Variants in MED12L observed in about 807,000 individuals in gnomAD.
MED12L encodes the protein mediator complex subunit 12L, also known as mediator of RNA polymerase II transcription subunit 12-like protein.
MED12L carries 60 observed loss-of-function variants against 281.3 expected under a neutral mutation model. That is an observed-to-expected ratio of 0.21 (90% CI 0.17 to 0.26). The LOEUF (loss-of-function observed/expected upper bound fraction) is 0.26. Among genes scored for constraint, MED12L ranks in the 10% least tolerant of loss-of-function variants. The pLI is 1.00. For synonymous variants in MED12L, 974 were observed against 987.2 expected (o/e 0.99, Z 0.25); for missense variants, 2,146 against 2,680.9 (o/e 0.80, Z 4.41).
intron 2 of MED12L, among the ~76,000 whole-genome samples, chr3:151,091,241 C>G (rs191834327): frequency 2.0e-5 from 3 of 152,032 alleles, no homozygotes; most frequent in Admixed American, 2.0e-4. Context: ...AGGGGCTGCC[C>G]GAAGATATAC....
chr3:151,210,052 ATAGGGTGCTT>A (rs889790376), intron 16 of MED12L, among the ~76,000 whole-genome samples: 1 of 152,192 alleles, frequency 6.6e-6, no homozygotes, highest in African/African-American at 2.4e-5. Flanking sequence ...ATTTCAACTC[ATAGGGTGCTT>A]TAGGCTCTCT....
At chr3:151,397,677 C>G (rs1023625454) in intron 39 of MED12L, among the ~76,000 whole-genome samples, 1 of 152,174 alleles carries the variant, frequency 6.6e-6, no homozygotes, top group Non-Finnish European at 1.5e-5. Context: ...CTAGTGAGTA[C>G]TGACCATTTC....
At chr3:151,417,756 C>T (rs758739458) in intron 43 of MED12L, among the ~76,000 whole-genome samples, 19 of 152,198 alleles carry the variant, frequency 1.2e-4, no homozygotes, top group Non-Finnish European at 2.1e-4. Context: ...AGGCGTGAGC[C>T]ACTGTGCCCG....
At chr3:151,119,151 A>C (rs1415252819) in intron 3 of MED12L, among the ~76,000 whole-genome samples, 1 of 152,222 alleles carries the variant, frequency 6.6e-6, no homozygotes, top group East Asian at 1.9e-4. Flanking sequence ...TATATACAGC[A>C]GTTAGTCTGT....
intron 36 of MED12L, among the ~76,000 whole-genome samples, chr3:151,386,444 C>T (rs924174959): frequency 3.3e-5 from 5 of 152,154 alleles, no homozygotes; most frequent in African/African-American, 7.2e-5. Context: ...GGCTGGAGTG[C>T]AGTAGTGCGA....
chr3:151,249,941 C>T (rs2149443822), intron 16 of MED12L, among the ~76,000 whole-genome samples: 1 of 152,284 alleles, frequency 6.6e-6, no homozygotes, highest in East Asian at 1.9e-4. Context: ...TTACCAGTTT[C>T]TTTCCTTCTG....
intron 19 of MED12L, among the ~76,000 whole-genome samples, chr3:151,356,450 A>G (rs1753934354): frequency 6.6e-6 from 1 of 152,208 alleles, no homozygotes; most frequent in Non-Finnish European, 1.5e-5. Context: ...ATTGCTGTAC[A>G]TTAACATCAT....
chr3:151,154,018 A>T (rs899804053), intron 5 of MED12L, among the ~76,000 whole-genome samples: 1 of 152,178 alleles, frequency 6.6e-6, no homozygotes, highest in Non-Finnish European at 1.5e-5. Flanking sequence ...TGAGTTGAAA[A>T]TAGGCCCGTC....
At chr3:151,188,766 G>A (rs898794609) in intron 13 of MED12L, among the ~76,000 whole-genome samples, 1 of 152,154 alleles carries the variant, frequency 6.6e-6, no homozygotes, top group African/African-American at 2.4e-5. Flanking sequence ...ATGTGATTTG[G>A]AATTTTCTCT....
intron 2 of MED12L, among the ~76,000 whole-genome samples, chr3:151,109,039 A>G (rs1711500161): frequency 1.3e-5 from 2 of 151,738 alleles, no homozygotes; most frequent in South Asian, 4.2e-4. Context: ...GTTGGAGGTT[A>G]CCCGAAGTAT....
chr3:151,385,028 A>C lies in MED12L; in HGVS notation c.4927-2A>C. 7.0e-7 allele frequency: 1 copy of C among 1,425,968 alleles called. No homozygotes were observed. Among genetic ancestry groups the C allele is most frequent in the Non-Finnish European group, 9.9e-7 (1 of 1,013,886 alleles). The allele number at this position is 1,425,968 out of a possible 1,614,324, so 88.3% of individuals were successfully genotyped here. On this transcript the variant is annotated splice_acceptor_variant, in intron 35 of 44. Coordinates refer to ENST00000687756, the MANE Select transcript of MED12L (RefSeq NM_001393769.1). LOFTEE classifies it high-confidence loss of function. The stretch of plus-strand genomic sequence containing the variant: ...CTCTCTCTCTCTCTCTTTTTTCTTT[A>C]GAAAGAGCTAGGAGACAAGCGATCA...
At chr3:151,184,554 G>C (rs181524616) in intron 11 of MED12L, among the ~76,000 whole-genome samples, 42 of 152,264 alleles carry the variant, frequency 2.8e-4, no homozygotes, top group Admixed American at 2.7e-3. Flanking sequence ...AGATCACACG[G>C]AAGTACCATC....
chr3:151,247,761 T>TAA (rs71138490), intron 16 of MED12L, among the ~76,000 whole-genome samples: 2,775 of 144,142 alleles, frequency 0.019, 53 homozygotes, highest in Middle Eastern at 0.04. Flanking sequence ...TAATGTATAA[T>TAA]AAAAAAAAAA....
At chr3:151,207,502 G>C (rs1726540266) in intron 16 of MED12L, among the ~76,000 whole-genome samples, 1 of 150,124 alleles carries the variant, frequency 6.7e-6, no homozygotes, top group African/African-American at 2.4e-5. Flanking sequence ...GAAATTTTGG[G>C]GGGGACTGTC....
chr3:151,353,243 A>G (rs967299503), intron 17 of MED12L, among the ~76,000 whole-genome samples: 20 of 152,232 alleles, frequency 1.3e-4, no homozygotes, highest in Non-Finnish European at 2.2e-4. Context: ...CTTTTAAGGC[A>G]TTTTGTGCAC....
rs1275500226 is a variant in MED12L at position 151,102,539 on chromosome 3, C to T, written c.100-13799C>T. ...TTTTCCAAGCCAGAAGAAGGATGTT[C>T]TGCAGTGAACATGGTTCACTGCAAC... On this transcript the variant is annotated intron_variant, in intron 2 of 44. Coordinates refer to ENST00000687756, the MANE Select transcript of MED12L (RefSeq NM_001393769.1). 3.3e-5 allele frequency among the ~76,000 whole-genome samples: 5 copies of T among 152,262 alleles called. No homozygotes were observed. The East Asian group carries it at 5.8e-4, about 18-fold the overall frequency.
At chr3:151,178,173 AAAAAAAAAAAAG>A (rs1722294189) in intron 11 of MED12L, among the ~76,000 whole-genome samples, 5 of 151,168 alleles carry the variant, frequency 3.3e-5, no homozygotes, top group Admixed American at 3.3e-4. Context: ...AAAAAAAAAA[AAAAAAAAAAAAG>A]AAAGTGCCAA....
intron 43 of MED12L, among the ~76,000 whole-genome samples, chr3:151,427,126 C>T (rs1718965164): frequency 6.6e-6 from 1 of 152,068 alleles, no homozygotes; most frequent in Admixed American, 6.6e-5. Context: ...GCCTGGTTTA[C>T]ATTTTTGAAA....
chr3:151,210,314 G>C (rs985562506), intron 16 of MED12L, among the ~76,000 whole-genome samples: 1 of 152,206 alleles, frequency 6.6e-6, no homozygotes, highest in African/African-American at 2.4e-5. Flanking sequence ...GAACAGGACA[G>C]AATGACTTTC....
Sources: allele counts gnomAD v4.1 joint callset (sites outside exome capture counted in the v4.1 genomes callset), GRCh38; gene constraint gnomAD v4.1.1; transcripts MANE v1.5; gene names NCBI Gene and HGNC (gene_info 2026-07-23, HGNC 2026-07-21).